The following SACM1L variants were observed in gnomAD, a reference collection of about 807,000 sequenced individuals.
SACM1L encodes SAC1 like phosphatidylinositide phosphatase, also known as phosphatidylinositol-3-phosphatase SAC1.
A neutral mutation model predicts 89.5 loss-of-function variants in SACM1L; 32 were observed. That is an observed-to-expected ratio of 0.36 (90% CI 0.27 to 0.48). The LOEUF is 0.48. SACM1L is among the 20% of genes least tolerant of loss of function. The pLI, the probability that SACM1L is intolerant of heterozygous loss-of-function variation, is 0.99. For missense variants in SACM1L, 543 were observed against 708.5 expected (o/e 0.77, Z 2.65); for synonymous variants, 213 against 232.8 (o/e 0.92, Z 0.77).
rs766950534 is a variant in SACM1L at position 45,706,745 on chromosome 3, T to G, written c.206-35T>G. ...TATTTCTACCTTTAGAGTTACTATTTTTATAATTATGTGTGTTTGGCTTGC... is the reference window on the plus strand; with the variant it reads ...TATTTCTACCTTTAGAGTTACTATTGTTATAATTATGTGTGTTTGGCTTGC... On this transcript the variant is annotated intron_variant, in intron 3 of 19. Transcript: ENST00000389061. 1.1e-5 allele frequency: 17 copies of G among 1,540,450 alleles called. No homozygotes were observed. In the Admixed American group the frequency reaches 3.1e-4, roughly 28 times the overall value.
At chr3:45,740,315 C>T (rs1249440302) in intron 19 of SACM1L, among the ~76,000 whole-genome samples, 35 of 152,128 alleles carry the variant, frequency 2.3e-4, no homozygotes, top group Non-Finnish European at 1.5e-5. Flanking sequence ...GTCTTTGTCC[C>T]ATACCTGTGA....
chr3:45,742,505 A>G (rs1159794266), intron 19 of SACM1L, among the ~76,000 whole-genome samples: 1 of 152,216 alleles, frequency 6.6e-6, no homozygotes, highest in Admixed American at 6.5e-5. Flanking sequence ...TCTGCAAATG[A>G]GGCCAGTAGT....
chr3:45,689,477 G>T lies in SACM1L; in HGVS notation c.12G>T (p.Ala4=), dbSNP rs1459914549. The T allele has an allele frequency of 6.3e-7, 1 of 1,578,710 alleles. No homozygotes were observed. The highest frequency in any genetic ancestry group is 8.6e-7 in the Non-Finnish European group (1 of 1,163,372). MAT[A]AYEQLKLHIT... is the part of the protein sequence containing the mutation. The stretch of plus-strand genomic sequence containing the variant: ...GGTGGTTGTGCAGGATGGCGACGGC[G>T]GCCTACGAGCAGCTGAAGCTGTGAG... Residue 4 remains alanine (A), a synonymous_variant, in exon 1 of 20, where the codon GCG becomes GCT. Coordinates refer to ENST00000389061, the MANE Select transcript of SACM1L (RefSeq NM_014016.5).
intron 3 of SACM1L, among the ~76,000 whole-genome samples, chr3:45,706,103 G>A (rs1698385754): frequency 1.3e-5 from 2 of 152,308 alleles, no homozygotes; most frequent in East Asian, 3.9e-4. Context: ...GGAGAGACAT[G>A]TACATGGCAA....
chr3:45,690,787 TG>T (rs1291912875), intron 1 of SACM1L, among the ~76,000 whole-genome samples: 1 of 152,238 alleles, frequency 6.6e-6, no homozygotes, highest in East Asian at 1.9e-4. Context: ...ACCTCGTCTT[TG>T]GTGAAAGAGT....
intron 14 of SACM1L, among the ~76,000 whole-genome samples, chr3:45,736,744 A>G (rs1214708306): frequency 1.3e-5 from 2 of 152,184 alleles, no homozygotes; most frequent in East Asian, 1.9e-4. Context: ...CATGCTATAT[A>G]TAGTATTATG....
At chr3:45,729,931 G>A (rs757346186) in intron 11 of SACM1L, among the ~76,000 whole-genome samples, 3 of 150,198 alleles carry the variant, frequency 2.0e-5, no homozygotes, top group Non-Finnish European at 3.0e-5. Flanking sequence ...TTCACTTTTT[G>A]TACTCTTTTG....
At chr3:45,697,348 C>G (rs925406015) in intron 1 of SACM1L, among the ~76,000 whole-genome samples, 2 of 141,970 alleles carry the variant, frequency 1.4e-5, no homozygotes, top group African/African-American at 5.4e-5. Flanking sequence ...GCGATCTTGG[C>G]TCAGAGCAGC....
At chr3:45,692,567 C>T (rs1698020804) in intron 1 of SACM1L, among the ~76,000 whole-genome samples, 1 of 152,172 alleles carries the variant, frequency 6.6e-6, no homozygotes. Flanking sequence ...ACCCTGGCCT[C>T]CCAAAGTGCT....
chr3:45,719,468 T>G, intron 7 of SACM1L, 32 bp from the exon 8 acceptor site: 1 of 1,213,832 alleles, frequency 8.2e-7, no homozygotes, highest in Non-Finnish European at 1.2e-6. Flanking sequence ...ATGATTTCTA[T>G]TATATGTTAT....
At position 45,709,552 on chromosome 3, in the gene SACM1L, G is replaced by A; in HGVS notation, c.388G>A (p.Gly130Arg). 3 of 1,613,650 alleles carry A rather than the reference G, an allele frequency of 1.9e-6. No homozygotes were observed. Among genetic ancestry groups the A allele is most frequent in the African/African-American group, 1.3e-5 (1 of 74,988 alleles). Residue 130 changes from glycine (G) to arginine (R), a missense_variant, in exon 5 of 20, where the codon GGA becomes AGA. Around this residue, in one of 2 missense-constraint regions of SACM1L, gnomAD observed 173 missense variants for 180.9 expected, o/e 0.96. Transcript: ENST00000389061. ...AMLNHVLNVD[G>R]FYFSTTYDLT... ...GCTAAACCATGTCTTGAATGTGGAT[G>A]GATTTTACTTTTCAACAACATATGA...
At chr3:45,719,787 A>G (rs1031771287) in intron 8 of SACM1L, among the ~76,000 whole-genome samples, 186 bp downstream of exon 8, 4 of 152,192 alleles carry the variant, frequency 2.6e-5, no homozygotes, top group Admixed American at 2.0e-4. Flanking sequence ...TTACATTGCA[A>G]ATGTTAATGT....
At chr3:45,731,252 C>T (rs11708140) in intron 11 of SACM1L, 49 bp from the exon 12 acceptor site, 153,664 of 1,245,098 alleles carry the variant, frequency 0.12, 10,257 homozygotes, top group Non-Finnish European at 0.13. Flanking sequence ...TGATACCATT[C>T]TCTCCTTTGA....
intron 19 of SACM1L, 190 bp downstream of exon 19, chr3:45,739,834 C>T (rs568095055): frequency 8.2e-6 from 5 of 611,768 alleles, no homozygotes; most frequent in African/African-American, 5.6e-5. Flanking sequence ...TGATGGTTGT[C>T]GTTTTTTTTA....
chr3:45,689,630 C>T (rs2125676585), intron 1 of SACM1L, 133 bp downstream of exon 1: 1 of 1,142,720 alleles, frequency 8.8e-7, no homozygotes, highest in East Asian at 2.6e-5. Flanking sequence ...CGGTTTTCCT[C>T]AGCCGGCGCG....
At chr3:45,694,122 G>T (rs749270172) in intron 1 of SACM1L, among the ~76,000 whole-genome samples, 5 of 152,166 alleles carry the variant, frequency 3.3e-5, no homozygotes, top group Non-Finnish European at 2.9e-5. Context: ...AAAAGGTTCA[G>T]TGGAAAGTTA....
At chr3:45,734,004 A>G (rs942483752) in intron 13 of SACM1L, among the ~76,000 whole-genome samples, 3 of 152,232 alleles carry the variant, frequency 2.0e-5, no homozygotes, top group Admixed American at 1.3e-4. Context: ...GGTTGGTTGC[A>G]GTGCAGACAT....
intron 8 of SACM1L, among the ~76,000 whole-genome samples, chr3:45,720,342 G>A (rs1698759470): frequency 6.6e-6 from 1 of 152,072 alleles, no homozygotes; most frequent in Non-Finnish European, 1.5e-5. Flanking sequence ...TTAAATTTTT[G>A]AACAGGTAGT....
intron 6 of SACM1L, chr3:45,713,679 G>A (rs1321694612): frequency 6.0e-6 from 1 of 167,802 alleles, no homozygotes; most frequent in Non-Finnish European, 1.3e-5. Flanking sequence ...AAATAGATGT[G>A]TCTAATTGCT....
Sources: gnomAD v4.1 joint callset for allele counts (sites outside exome capture counted in the v4.1 genomes callset) on GRCh38, gnomAD v4.1.1 for gene constraint, gnomAD v4.1.1 regional missense constraint, MANE v1.5 for transcripts, NCBI Gene and HGNC (gene_info 2026-07-23, HGNC 2026-07-21) for gene names.